The following GINS3 variants were observed in gnomAD, a reference collection of about 807,000 sequenced individuals.
The protein encoded by GINS3 is DNA replication complex GINS protein PSF3.
A neutral mutation model predicts 20.0 loss-of-function variants in GINS3; 18 were observed. That is an observed-to-expected ratio of 0.90 (90% CI 0.62 to 1.33). GINS3 has a LOEUF of 1.33. GINS3 is among the 40% of genes most tolerant of loss of function. GINS3 has a pLI of 0.00. For synonymous variants in GINS3, 109 were observed against 107.0 expected (o/e 1.02, Z -0.12); for missense variants, 254 against 273.6 (o/e 0.93, Z 0.51).
chr16:58,404,294 A>G (rs1050758540), intron 2 of GINS3: 8 of 576,410 alleles, frequency 1.4e-5, no homozygotes, highest in Non-Finnish European at 2.2e-5. Flanking sequence ...CTGGATTTTC[A>G]TAACAATCCA....
chr16:58,394,831 T>TG (rs1965827594), intron 1 of GINS3, among the ~76,000 whole-genome samples: 1 of 152,192 alleles, frequency 6.6e-6, no homozygotes, highest in East Asian at 1.9e-4. Flanking sequence ...TCTCCACCTT[T>TG]TCATACTGTA....
intron 1 of GINS3, chr16:58,395,271 T>TA: frequency 5.4e-6 from 2 of 369,482 alleles, no homozygotes; most frequent in Admixed American, 4.6e-5. Flanking sequence ...GTCTAAATTT[T>TA]CTTTTTTTTT....
intron 1 of GINS3, among the ~76,000 whole-genome samples, chr16:58,396,390 GC>G (rs1416256732): frequency 8.0e-6 from 1 of 125,534 alleles, no homozygotes; most frequent in Non-Finnish European, 1.7e-5. Flanking sequence ...CGGGCAGGGG[GC>G]TGACCCCCCC....
At chr16:58,396,282 T>C in intron 1 of GINS3, among the ~76,000 whole-genome samples, 1 of 125,816 alleles carries the variant, frequency 7.9e-6, no homozygotes, top group Non-Finnish European at 1.7e-5. Flanking sequence ...CCCACCTCCC[T>C]CCCGGACGGG....
intron 1 of GINS3, among the ~76,000 whole-genome samples, chr16:58,398,247 A>G (rs1448345272): frequency 1.3e-5 from 2 of 152,188 alleles, no homozygotes; most frequent in Admixed American, 6.5e-5. Flanking sequence ...AAATTATTCT[A>G]TTCAATTCAC....
intron 1 of GINS3, among the ~76,000 whole-genome samples, chr16:58,393,828 CAAAA>C (rs746322212): frequency 3.6e-5 from 2 of 55,444 alleles, no homozygotes. Context: ...GACTCCATCT[CAAAA>C]AAAAAAAAAA....
Position 58,396,835 on chromosome 16 carries a change from G to C in GINS3, c.186+4048G>C, listed in dbSNP as rs866082317. ...GGGCTCCTCACTTCCCAGTAGGGGC[G>C]GCCGGGCAGAGGCGCCCCTCACCTC... On this transcript the variant is annotated intron_variant, in intron 1 of 2. Transcript: ENST00000318129. 2.3e-3 allele frequency among the ~76,000 whole-genome samples: 319 copies of C among 136,990 alleles called. 5 individuals carry two copies. The highest frequency in any genetic ancestry group is 8.2e-3 in the African/African-American group (292 of 35,482). The allele number at this position is 136,990 out of a possible 152,430, so 89.9% of individuals were successfully genotyped here. A position where few individuals can be genotyped will look rare whatever the true frequency, so the allele number is the denominator to read the frequency against.
chr16:58,401,312 A>G lies in GINS3; in HGVS notation c.187-1786A>G, dbSNP rs147502469. On this transcript the variant is annotated intron_variant, in intron 1 of 2. Transcript: ENST00000318129. ...TGCAGACCTTTGCAGTGAGTGTTAC[A>G]GCTCATGAAGGTAGTGGGGATCCAA... 7.7e-3 allele frequency among the ~76,000 whole-genome samples: 1,175 copies of G among 152,136 alleles called. 14 individuals carry two copies. The highest frequency in any genetic ancestry group is 0.027 in the African/African-American group (1,134 of 41,504).
At chr16:58,402,532 T>G (rs747926663) in intron 1 of GINS3, among the ~76,000 whole-genome samples, 3 of 152,234 alleles carry the variant, frequency 2.0e-5, no homozygotes, top group Non-Finnish European at 4.4e-5. Context: ...TGGAGATTTA[T>G]GACTCTTAAT....
chr16:58,395,108 GCT>G (rs1965832102), intron 1 of GINS3: 8 of 492,096 alleles, frequency 1.6e-5, no homozygotes, highest in Non-Finnish European at 2.8e-5. Context: ...ACAGGGTTTT[GCT>G]CTGTTGCCCA....
At chr16:58,396,236 C>T (rs1349108731) in intron 1 of GINS3, among the ~76,000 whole-genome samples, 1 of 131,342 alleles carries the variant, frequency 7.6e-6, no homozygotes, top group Non-Finnish European at 1.6e-5. Context: ...CCTCACCTCC[C>T]AGACGGGGCG....
At chr16:58,402,554 C>G (rs1313947192) in intron 1 of GINS3, among the ~76,000 whole-genome samples, 1 of 152,134 alleles carries the variant, frequency 6.6e-6, no homozygotes, top group South Asian at 2.1e-4. Context: ...TCTGGTCTGT[C>G]ATGACCACCT....
At chr16:58,397,634 G>A (rs1409730414) in intron 1 of GINS3, among the ~76,000 whole-genome samples, 17 of 151,898 alleles carry the variant, frequency 1.1e-4, no homozygotes, top group South Asian at 2.1e-4. Context: ...GCGAAACCCC[G>A]TCTCCACCAA....
chr16:58,397,633 C>T (rs890235002), intron 1 of GINS3, among the ~76,000 whole-genome samples: 22 of 152,228 alleles, frequency 1.4e-4, no homozygotes, highest in Admixed American at 1.3e-3. Flanking sequence ...AGCGAAACCC[C>T]GTCTCCACCA....
intron 1 of GINS3, among the ~76,000 whole-genome samples, chr16:58,394,341 G>T (rs544434949): frequency 5.9e-5 from 9 of 151,584 alleles, no homozygotes; most frequent in Non-Finnish European, 1.2e-4. Flanking sequence ...TTTTGTTTTT[G>T]GTTTTGTTTT....
At chr16:58,397,788 G>A (rs1238065985) in intron 1 of GINS3, among the ~76,000 whole-genome samples, 1 of 151,848 alleles carries the variant, frequency 6.6e-6, no homozygotes, top group Non-Finnish European at 1.5e-5. Flanking sequence ...GCATCAGAGG[G>A]AGACCGTGGA....
At position 58,392,538 on chromosome 16, in the gene GINS3, A is replaced by T. The variant is rs142471085; in HGVS notation, c.-64A>T. 3.9e-6 allele frequency: 6 copies of T among 1,553,452 alleles called. No homozygotes were observed. The East Asian group carries it at 1.4e-4, about 35-fold the overall frequency. On this transcript the variant is annotated 5_prime_UTR_variant, in exon 1 of 3. Transcript: ENST00000318129. ...CAGTCTCCGCTTCCCCGTCTTGTAC[A>T]CCCCTAACTCCTGAGGCTCCTCCGA...
intron 1 of GINS3, among the ~76,000 whole-genome samples, chr16:58,398,653 G>T (rs867384339): frequency 6.6e-6 from 1 of 152,124 alleles, no homozygotes; most frequent in African/African-American, 2.4e-5. Flanking sequence ...TTAATTTTGC[G>T]TTTTAAAATA....
At chr16:58,392,817 GA>G in intron 1 of GINS3, 30 bp downstream of exon 1, 1 of 1,551,842 alleles carries the variant, frequency 6.4e-7, no homozygotes, top group Non-Finnish European at 8.7e-7. Context: ...GTCCTGCCCG[GA>G]AAGACTGCAG....
Sources: allele counts gnomAD v4.1 joint callset (sites outside exome capture counted in the v4.1 genomes callset), GRCh38; gene constraint gnomAD v4.1.1; transcripts MANE v1.5; gene names NCBI Gene and HGNC (gene_info 2026-07-23, HGNC 2026-07-21).